The following ARHGAP20 variants were observed in gnomAD, a reference collection of about 807,000 sequenced individuals.
ARHGAP20 encodes the protein rho GTPase-activating protein 20.
In ARHGAP20, 34 loss-of-function variants were observed where a neutral mutation model predicts 73.7. That is an observed-to-expected ratio of 0.46 (90% CI 0.35 to 0.61). The LOEUF (loss-of-function observed/expected upper bound fraction) is 0.61. Ranked by LOEUF, ARHGAP20 falls within the 20% of genes least tolerant of loss-of-function variation. The pLI, the probability that ARHGAP20 is intolerant of heterozygous loss-of-function variation, is 0.00. For missense variants in ARHGAP20, 1,314 were observed against 1,420.9 expected (o/e 0.92, Z 1.21); for synonymous variants, 523 against 518.2 (o/e 1.01, Z -0.13).
chr11:110,608,888 T>C, intron 8 of ARHGAP20, 96 bp downstream of exon 8: 2 of 955,306 alleles, frequency 2.1e-6, no homozygotes, highest in Non-Finnish European at 3.2e-6. Context: ...TATTTAATAG[T>C]ATTTAAGCTT....
intron 2 of ARHGAP20, among the ~76,000 whole-genome samples, chr11:110,687,758 T>C (rs1169887374): frequency 6.6e-6 from 1 of 151,984 alleles, no homozygotes; most frequent in African/African-American, 2.4e-5. Flanking sequence ...AAAATGAAAA[T>C]AGTTCTTAAT....
chr11:110,599,502 T>A (rs1334482085), intron 9 of ARHGAP20, among the ~76,000 whole-genome samples: 2 of 152,128 alleles, frequency 1.3e-5, no homozygotes, highest in Non-Finnish European at 1.5e-5. Flanking sequence ...CTGGGCGCCA[T>A]GAACAGCAGC....
At chr11:110,600,448 C>A (rs1226404858) in intron 9 of ARHGAP20, among the ~76,000 whole-genome samples, 2 of 152,228 alleles carry the variant, frequency 1.3e-5, no homozygotes, top group Admixed American at 6.5e-5. Context: ...CGCTACGCTG[C>A]AGCAGCTGGT....
chr11:110,712,603 C>G (rs1950695515), upstream of ARHGAP20: 1 of 152,630 alleles, frequency 6.6e-6, no homozygotes, highest in African/African-American at 2.4e-5. Context: ...GGGCGTCTCT[C>G]TATATATGTT....
chr11:110,690,721 A>G, intron 1 of ARHGAP20, 92 bp from the exon 2 acceptor site: 2 of 1,247,176 alleles, frequency 1.6e-6, no homozygotes, highest in African/African-American at 1.5e-5. Flanking sequence ...CAAGTTTTGC[A>G]TTGCCTATCT....
At chr11:110,591,761 C>T (rs560692855) in intron 10 of ARHGAP20, among the ~76,000 whole-genome samples, 6 of 152,178 alleles carry the variant, frequency 3.9e-5, no homozygotes, top group Non-Finnish European at 7.3e-5. Flanking sequence ...AGAAAGCTTA[C>T]GTGGCTCTTT....
At chr11:110,637,939 T>A (rs1220289156) in intron 2 of ARHGAP20, among the ~76,000 whole-genome samples, 1 of 152,064 alleles carries the variant, frequency 6.6e-6, no homozygotes, top group Non-Finnish European at 1.5e-5. Context: ...GCAGGAGTTA[T>A]AAAGGCTTGA....
At chr11:110,665,329 A>G (rs1346815450) in intron 2 of ARHGAP20, among the ~76,000 whole-genome samples, 2 of 152,192 alleles carry the variant, frequency 1.3e-5, no homozygotes, top group Non-Finnish European at 2.9e-5. Flanking sequence ...AAATACATGC[A>G]AAGAAGGAAA....
At chr11:110,658,834 C>T (rs1000849713) in intron 2 of ARHGAP20, among the ~76,000 whole-genome samples, 1 of 151,970 alleles carries the variant, frequency 6.6e-6, no homozygotes, top group Non-Finnish European at 1.5e-5. Context: ...TCTCCAGACA[C>T]TTAGGAATCC....
chr11:110,699,134 T>A (rs1950395162), intron 1 of ARHGAP20, among the ~76,000 whole-genome samples: 1 of 151,810 alleles, frequency 6.6e-6, no homozygotes, highest in Admixed American at 6.6e-5. Flanking sequence ...GTTTTGAAAA[T>A]TTTTTTGATT....
rs772811558 is a variant in ARHGAP20 at position 110,578,138 on chromosome 11, C to G, written c.*1232G>C. ...AGATGTACTGCTGCAACCTTTAAGT[C>G]AAGAAAGCAGAGAAAGAAAGGTCCA... is the stretch of plus-strand genomic sequence containing the variant. On this transcript the variant is annotated 3_prime_UTR_variant, in exon 15 of 15. Coordinates refer to ENST00000683387, the MANE Select transcript of ARHGAP20 (RefSeq NM_001384657.1). 879 of 985,182 alleles carry G rather than the reference C, an allele frequency of 8.9e-4. No homozygotes were observed. Among genetic ancestry groups the G allele is most frequent in the Non-Finnish European group, 9.9e-4 (820 of 829,940 alleles). 61.0% of individuals were successfully genotyped at this position (985,182 alleles called of 1,614,324 possible). A position where few individuals can be genotyped will look rare whatever the true frequency, so the allele number is the denominator to read the frequency against.
intron 2 of ARHGAP20, among the ~76,000 whole-genome samples, chr11:110,650,904 C>T (rs572840632): frequency 3.3e-5 from 5 of 152,198 alleles, no homozygotes; most frequent in African/African-American, 9.6e-5. Context: ...AGCCCTGATG[C>T]GAGGACAAAT....
rs77820194 is a variant in ARHGAP20, at chr11:110,660,759, A to C, written c.188+29788T>G. Among the ~76,000 whole-genome samples the C allele has an allele frequency of 1.4e-3, 216 of 152,294 alleles. 2 individuals carry two copies. In the East Asian group the frequency reaches 0.023, roughly 16 times the overall value. On this transcript the variant is annotated intron_variant, in intron 2 of 14. Transcript: ENST00000683387. ...AGCATGTGCTGTTGCTATTCTTTTG[A>C]ATGTCCTGTGTATGATTATGTTGGT...
rs201024136 is a variant in ARHGAP20, at chr11:110,579,542, A to C, written c.3404T>G (p.Leu1135Arg). The C allele has an allele frequency of 8.1e-6, 13 of 1,613,990 alleles. No individual in the cohort carries two copies. In the South Asian group the frequency reaches 1.4e-4, roughly 18 times the overall value. The change falls in exon 15 of 15, where the codon CTG becomes CGG. Residue 1135 changes from leucine to arginine, a missense_variant. Physicochemically the swap from Leu to Arg is moderately radical, Grantham distance 102. This residue lies in a region of ARHGAP20 where 641 missense variants were observed against 636.9 expected (regional missense o/e 1.01). Transcript: ENST00000683387. ...TATTTCCTCATGTGACTTCATGCAC[A>C]GCTTAAGTCTGCTCTCCACCAGGCT... ...PFSLVESRLK[L>R]CMKSHEEIEP... is the part of the protein sequence containing the mutation.
intron 2 of ARHGAP20, among the ~76,000 whole-genome samples, chr11:110,646,702 A>T (rs960303252): frequency 6.6e-5 from 10 of 152,126 alleles, no homozygotes; most frequent in Non-Finnish European, 1.2e-4. Flanking sequence ...CCCAAATTAT[A>T]TTCCATATTT....
At chr11:110,636,037 A>G (rs1173901838) in intron 2 of ARHGAP20, among the ~76,000 whole-genome samples, 1 of 152,108 alleles carries the variant, frequency 6.6e-6, no homozygotes, top group African/African-American at 2.4e-5. Context: ...CATCTTTTGC[A>G]TTTTGGTTTA....
chr11:110,613,421 C>T (rs1020072744), intron 6 of ARHGAP20, among the ~76,000 whole-genome samples: 8 of 152,266 alleles, frequency 5.3e-5, no homozygotes, highest in African/African-American at 1.2e-4. Context: ...GGACAGAGTA[C>T]GTCACATCAT....
intron 13 of ARHGAP20, 120 bp from the exon 14 acceptor site, chr11:110,582,555 G>A (rs1947502102): frequency 1.6e-6 from 1 of 630,774 alleles, no homozygotes; most frequent in Non-Finnish European, 2.7e-6. Flanking sequence ...AATTCATATC[G>A]GCTTTAAAAG....
At chr11:110,605,140 G>A (rs988110548) in intron 9 of ARHGAP20, among the ~76,000 whole-genome samples, 2 of 152,150 alleles carry the variant, frequency 1.3e-5, no homozygotes, top group African/African-American at 4.8e-5. Flanking sequence ...GGATGATCAC[G>A]ATAACCATGG....
Sources: gnomAD v4.1 joint callset for allele counts (sites outside exome capture counted in the v4.1 genomes callset) on GRCh38, gnomAD v4.1.1 for gene constraint, gnomAD v4.1.1 regional missense constraint, MANE v1.5 for transcripts, NCBI Gene and HGNC (gene_info 2026-07-23, HGNC 2026-07-21) for gene names.